Variants in BMPER observed in about 807,000 individuals in gnomAD.
The protein encoded by BMPER is BMP binding endothelial regulator.
Under a neutral mutation model 87.3 loss-of-function variants are expected in BMPER, and 45 were observed. That is an observed-to-expected ratio of 0.52 (90% confidence interval 0.41 to 0.66). BMPER has a LOEUF of 0.66. Ranked by LOEUF, BMPER falls within the 30% of genes least tolerant of loss-of-function variation. The pLI is 0.00. For missense variants in BMPER, 784 were observed against 867.5 expected (o/e 0.90, Z 1.21); for synonymous variants, 326 against 316.2 (o/e 1.03, Z -0.33).
At chr7:33,906,713 A>C (rs570106054) in intron 1 of BMPER, 105 bp from the exon 2 acceptor site, 1 of 987,492 alleles carries the variant, frequency 1.0e-6, no homozygotes, top group South Asian at 1.4e-5. Context: ...AGAATTCTGA[A>C]GTTTGGGTAG....
intron 2 of BMPER, among the ~76,000 whole-genome samples, chr7:33,935,047 T>A (rs1285959774): frequency 2.0e-5 from 3 of 152,232 alleles, no homozygotes; most frequent in Non-Finnish European, 4.4e-5. Flanking sequence ...TGGGAGAGAT[T>A]ATTAATTTGT....
chr7:34,131,630 G>A (rs1274025926), intron 13 of BMPER, among the ~76,000 whole-genome samples: 3 of 152,118 alleles, frequency 2.0e-5, no homozygotes, highest in Non-Finnish European at 4.4e-5. Flanking sequence ...GCCTCCAGAT[G>A]CTAGAGGCCT....
intron 3 of BMPER, among the ~76,000 whole-genome samples, chr7:33,963,141 C>A (rs1449362228): frequency 6.6e-6 from 1 of 152,148 alleles, no homozygotes; most frequent in Admixed American, 6.5e-5. Flanking sequence ...ATTTTCTCAT[C>A]TGTAAAAAGA....
In BMPER at chr7:33,905,590, G is replaced by A; in HGVS notation, c.-24G>A. ...AGGCGGCGGCGCGGGACCTGCAGTC[G>A]CCAGGGATTCCCTCCAGGTGACGAT... On this transcript the variant is annotated 5_prime_UTR_variant, in exon 1 of 15. Coordinates refer to ENST00000649409, the MANE Select transcript of BMPER (RefSeq NM_001365308.1). The A allele has an allele frequency of 6.2e-7, 1 of 1,609,756 alleles. No individual in the cohort carries two copies.
At chr7:34,098,001 T>C (rs769871401) in intron 13 of BMPER, among the ~76,000 whole-genome samples, 2 of 152,132 alleles carry the variant, frequency 1.3e-5, no homozygotes, top group African/African-American at 2.4e-5. Flanking sequence ...CCCTGATTTT[T>C]TTTTCGAAGA....
intron 2 of BMPER, among the ~76,000 whole-genome samples, chr7:33,916,571 G>A (rs1219200361): frequency 2.6e-5 from 4 of 152,214 alleles, no homozygotes; most frequent in Non-Finnish European, 4.4e-5. Context: ...ACTGGATTTG[G>A]ACATGTGGGC....
intron 3 of BMPER, among the ~76,000 whole-genome samples, chr7:33,959,316 AT>A (rs1785216270): frequency 6.6e-6 from 1 of 151,966 alleles, no homozygotes; most frequent in South Asian, 2.1e-4. Context: ...TTTGTATAAT[AT>A]TTTTCAAATT....
chr7:33,986,004 A>G (rs1311510178), intron 6 of BMPER, among the ~76,000 whole-genome samples: 1 of 152,216 alleles, frequency 6.6e-6, no homozygotes, highest in Non-Finnish European at 1.5e-5. Context: ...TAGAAAAGTG[A>G]GTCAGCATTG....
intron 6 of BMPER, among the ~76,000 whole-genome samples, chr7:33,993,523 AT>A (rs1483812979): frequency 6.6e-6 from 1 of 151,038 alleles, no homozygotes; most frequent in Non-Finnish European, 1.5e-5. Flanking sequence ...ATTCTTCTAA[AT>A]TTTTTTTCAA....
intron 3 of BMPER, among the ~76,000 whole-genome samples, chr7:33,942,819 G>A (rs1390693901): frequency 4.6e-5 from 7 of 152,104 alleles, no homozygotes. Flanking sequence ...TCAGTAGAAT[G>A]ATTAAAAAAG....
intron 6 of BMPER, among the ~76,000 whole-genome samples, chr7:33,990,600 C>T (rs1786180991): frequency 6.6e-6 from 1 of 151,570 alleles, no homozygotes; most frequent in East Asian, 1.9e-4. Context: ...AATTGAATAC[C>T]CTTTATTTCC....
intron 13 of BMPER, among the ~76,000 whole-genome samples, chr7:34,091,730 T>C (rs1245887014): frequency 2.6e-5 from 4 of 152,238 alleles, no homozygotes; most frequent in African/African-American, 9.6e-5. Context: ...GAGTTATTTA[T>C]ATCCTACTGC....
upstream of BMPER, chr7:33,905,490 T>C: frequency 3.0e-6 from 3 of 1,013,480 alleles, no homozygotes; most frequent in Non-Finnish European, 3.8e-6. Flanking sequence ...GGCGCCCGCC[T>C]CCCTCCTTCG....
At chr7:34,151,607 C>A (rs1470201460) in intron 14 of BMPER, among the ~76,000 whole-genome samples, 1 of 152,196 alleles carries the variant, frequency 6.6e-6, no homozygotes, top group African/African-American at 2.4e-5. Context: ...CTGCTACTAA[C>A]TCATCCCTCT....
chr7:34,020,923 G>GGT (rs139528351), intron 6 of BMPER, among the ~76,000 whole-genome samples: 1 of 150,972 alleles, frequency 6.6e-6, no homozygotes, highest in Non-Finnish European at 1.5e-5. Flanking sequence ...TATGTTATAG[G>GGT]GTGTGTGTGT....
intron 12 of BMPER, among the ~76,000 whole-genome samples, chr7:34,084,329 C>A (rs976712789): frequency 6.6e-6 from 1 of 152,230 alleles, no homozygotes; most frequent in Admixed American, 6.5e-5. Flanking sequence ...CATGGCCACA[C>A]GGGGTAAGTG....
chr7:33,920,426 T>G (rs902300883), intron 2 of BMPER, among the ~76,000 whole-genome samples: 4 of 137,306 alleles, frequency 2.9e-5, no homozygotes, highest in African/African-American at 1.1e-4. Context: ...TTGTGTTTTT[T>G]TTTTTTTTTT....
chr7:34,066,803 G>A (rs926427251), intron 11 of BMPER, among the ~76,000 whole-genome samples: 1 of 152,198 alleles, frequency 6.6e-6, no homozygotes, highest in African/African-American at 2.4e-5. Context: ...AAAGGTGCAT[G>A]TGAGATGTGT....
At chr7:34,112,089 G>A (rs1789980787) in intron 13 of BMPER, among the ~76,000 whole-genome samples, 1 of 152,026 alleles carries the variant, frequency 6.6e-6, no homozygotes, top group African/African-American at 2.4e-5. Flanking sequence ...AAAATTTTAG[G>A]GGAGTTTACA....
Sources: gnomAD v4.1 joint callset for allele counts (sites outside exome capture counted in the v4.1 genomes callset) on GRCh38, gnomAD v4.1.1 for gene constraint, MANE v1.5 for transcripts, NCBI Gene and HGNC (gene_info 2026-07-23, HGNC 2026-07-21) for gene names.